The following FAT3 variants were observed in gnomAD, a reference collection of about 807,000 sequenced individuals.
The protein encoded by FAT3 is protocadherin Fat 3.
In FAT3, 95 loss-of-function variants were observed where a neutral mutation model predicts 310.2. That is an observed-to-expected ratio of 0.31 (90% confidence interval 0.26 to 0.36). The LOEUF (loss-of-function observed/expected upper bound fraction) is 0.36, where lower values mean the gene tolerates loss of function less well. Among genes scored for constraint, FAT3 ranks in the 10% least tolerant of loss-of-function variants. The pLI is 1.00. For missense variants in FAT3, 5,408 were observed against 5,715.6 expected (o/e 0.95, Z 1.74); for synonymous variants, 2,314 against 2,192.9 (o/e 1.06, Z -1.54).
chr11:92,340,005 G>A lies in FAT3; in HGVS notation c.-17-12091G>A, dbSNP rs571509325. Among the ~76,000 whole-genome samples the A allele has an allele frequency of 1.0e-3, 152 of 151,638 alleles. 1 individual carries two copies. Among genetic ancestry groups the A allele is most frequent in the Non-Finnish European group, 1.2e-3 (80 of 67,898 alleles). On this transcript the variant is annotated intron_variant, in intron 1 of 27. Transcript: ENST00000525166. ...CGGGCCCCTGTAGTCCCAGCTACTC[G>A]GGAGGCTGAGGCAGGAGAATGGCGT...
At chr11:92,885,098 T>C (rs1949767237) in intron 24 of FAT3, among the ~76,000 whole-genome samples, 1 of 152,128 alleles carries the variant, frequency 6.6e-6, no homozygotes, top group South Asian at 2.1e-4. Flanking sequence ...AATAGATGTA[T>C]AGTGAGCCTG....
chr11:92,722,196 T>C (rs1565540605), intron 4 of FAT3, among the ~76,000 whole-genome samples: 1 of 152,174 alleles, frequency 6.6e-6, no homozygotes, highest in Non-Finnish European at 1.5e-5. Flanking sequence ...AGTTACTTTC[T>C]AGATATAATG....
chr11:92,511,930 T>C (rs1365844463), intron 2 of FAT3, among the ~76,000 whole-genome samples: 1 of 152,192 alleles, frequency 6.6e-6, no homozygotes, highest in African/African-American at 2.4e-5. Context: ...GAATTTCCTA[T>C]TACCAAAGAG....
At chr11:92,506,559 G>T (rs998337799) in intron 2 of FAT3, among the ~76,000 whole-genome samples, 1 of 152,184 alleles carries the variant, frequency 6.6e-6, no homozygotes, top group African/African-American at 2.4e-5. Flanking sequence ...TTAATATAAG[G>T]TCAGAATATT....
chr11:92,779,529 T>G (rs1045019766), intron 7 of FAT3, among the ~76,000 whole-genome samples: 1 of 151,954 alleles, frequency 6.6e-6, no homozygotes, highest in African/African-American at 2.4e-5. Context: ...ATGAAATAGA[T>G]TAAAAAAAAC....
intron 1 of FAT3, among the ~76,000 whole-genome samples, chr11:92,228,838 G>T (rs886411508): frequency 1.3e-5 from 2 of 152,154 alleles, no homozygotes; most frequent in African/African-American, 2.4e-5. Context: ...TAGTAATGAG[G>T]ATATTTGATT....
chr11:92,882,423 T>G (rs1949688751), intron 23 of FAT3, among the ~76,000 whole-genome samples: 3 of 152,136 alleles, frequency 2.0e-5, no homozygotes, highest in African/African-American at 7.2e-5. Flanking sequence ...CTGTTATTCT[T>G]TCTCTTTCTC....
intron 1 of FAT3, among the ~76,000 whole-genome samples, chr11:92,346,691 T>G (rs184811274): frequency 6.6e-6 from 1 of 152,258 alleles, no homozygotes; most frequent in East Asian, 1.9e-4. Context: ...CTCCCCATTT[T>G]AAAGATAGAG....
intron 2 of FAT3, among the ~76,000 whole-genome samples, chr11:92,436,130 T>C (rs1284213111): frequency 6.6e-6 from 1 of 152,110 alleles, no homozygotes; most frequent in African/African-American, 2.4e-5. Context: ...TTTTCTTTTA[T>C]TTTTTTGAAA....
chr11:92,256,586 G>A (rs1865327877), intron 1 of FAT3, among the ~76,000 whole-genome samples: 1 of 152,078 alleles, frequency 6.6e-6, no homozygotes, highest in Non-Finnish European at 1.5e-5. Flanking sequence ...TTTGGCATGT[G>A]TAAACCAAGC....
chr11:92,859,282 T>A lies in FAT3; in HGVS notation c.11618T>A (p.Ile3873Asn). The part of the protein sequence containing the change: ...LRLRTLQSNG[I>N]IMYTRANPCI... The stretch of plus-strand genomic sequence containing the variant: ...CTTCGAACACTGCAAAGCAATGGGA[T>A]TATAATGTACACCAGAGCAAATCCC... The change falls in exon 21 of 28, where the codon ATT (isoleucine) becomes AAT (asparagine). Residue 3873 changes from isoleucine (I) to asparagine (N), a missense_variant. Ile to Asn is a moderately radical substitution (Grantham distance 149). Coordinates refer to ENST00000525166, the MANE Select transcript of FAT3 (RefSeq NM_001367949.2). 6.2e-7 allele frequency: 1 copy of A among 1,613,098 alleles called. No homozygotes were observed. Among genetic ancestry groups the A allele is most frequent in the Non-Finnish European group, 8.5e-7 (1 of 1,179,460 alleles).
intron 3 of FAT3, among the ~76,000 whole-genome samples, chr11:92,610,655 T>A (rs1212958065): frequency 6.6e-6 from 1 of 152,180 alleles, no homozygotes; most frequent in African/African-American, 2.4e-5. Flanking sequence ...TCAGCTTGGG[T>A]TCCTTTTTAT....
At chr11:92,543,361 T>C (rs1350257163) in intron 3 of FAT3, among the ~76,000 whole-genome samples, 1 of 152,196 alleles carries the variant, frequency 6.6e-6, no homozygotes, top group Non-Finnish European at 1.5e-5. Context: ...AAAAGGTAAG[T>C]ATATTATGTG....
chr11:92,412,003 A>G (rs1388454724), intron 2 of FAT3, among the ~76,000 whole-genome samples: 1 of 151,524 alleles, frequency 6.6e-6, no homozygotes, highest in Non-Finnish European at 1.5e-5. Flanking sequence ...AATTTTTCAG[A>G]TTTCCCCAAA....
chr11:92,634,931 T>C (rs553987069), intron 3 of FAT3, among the ~76,000 whole-genome samples: 2 of 152,212 alleles, frequency 1.3e-5, no homozygotes, highest in South Asian at 4.2e-4. Context: ...GCGTTCTCTC[T>C]TTCCACCATC....
chr11:92,867,180 G>C lies in FAT3; in HGVS notation c.12098G>C (p.Gly4033Ala). Reference sequence around the variant, plus strand: ...TGCAAGCGCAGCCCGTGCCAGCACGGGGGCAGCTGCACTGGCCTGCCATCG... The same window carrying C: ...TGCAAGCGCAGCCCGTGCCAGCACGCGGGCAGCTGCACTGGCCTGCCATCG... ...DACKRSPCQH[G>A]GSCTGLPSGG... The change falls in exon 22 of 28, where the codon GGG (glycine) becomes GCG (alanine). Residue 4033 changes from glycine to alanine, a missense_variant. Around this residue, in one of 5 missense-constraint regions of FAT3, gnomAD observed 4,588 missense variants for 4,809.8 expected, o/e 0.95. Transcript: ENST00000525166. 6.3e-7 allele frequency: 1 copy of C among 1,588,340 alleles called. No homozygotes were observed. The highest frequency in any genetic ancestry group is 1.1e-5 in the South Asian group (1 of 87,752).
chr11:92,704,190 G>A (rs758586173), intron 4 of FAT3, among the ~76,000 whole-genome samples: 1 of 152,124 alleles, frequency 6.6e-6, no homozygotes, highest in Non-Finnish European at 1.5e-5. Flanking sequence ...TGAAGAGCAG[G>A]TTTTCTCTCA....
At chr11:92,856,434 CT>C (rs748195542) in intron 19 of FAT3, among the ~76,000 whole-genome samples, 3 of 152,162 alleles carry the variant, frequency 2.0e-5, no homozygotes, top group Non-Finnish European at 2.9e-5. Flanking sequence ...AATGTGCTTC[CT>C]TCAGTGGGTT....
chr11:92,693,744 A>C lies in FAT3; in HGVS notation c.3608-3640A>C, dbSNP rs534423644. On this transcript the variant is annotated intron_variant, in intron 3 of 27. Transcript: ENST00000525166. ...GTTTAGCTGACCCTGGCTTGATAAA[A>C]AGATTTATTTTATCAAGATTTTGAT... Among the ~76,000 whole-genome samples, 21 of 152,300 alleles carry C rather than the reference A, an allele frequency of 1.4e-4. No homozygotes were observed. The South Asian group carries it at 4.4e-3, about 32-fold the overall frequency.
Sources: gnomAD v4.1 joint callset for allele counts (sites outside exome capture counted in the v4.1 genomes callset) on GRCh38, gnomAD v4.1.1 for gene constraint, gnomAD v4.1.1 regional missense constraint, MANE v1.5 for transcripts, NCBI Gene and HGNC (gene_info 2026-07-23, HGNC 2026-07-21) for gene names.